The following THOC2 variants were observed in gnomAD, a reference collection of about 807,000 sequenced individuals.
THOC2 encodes THO complex subunit 2.
A neutral mutation model predicts 128.4 loss-of-function variants in THOC2; 10 were observed. The observed-to-expected ratio is 0.08, with a 90% CI of 0.05 to 0.13. The LOEUF (loss-of-function observed/expected upper bound fraction) is 0.13, where lower values mean the gene tolerates loss of function less well. Among genes scored for constraint, THOC2 ranks in the 10% least tolerant of loss-of-function variants. The probability of loss-of-function intolerance (pLI) is 1.00; values close to 1 mark genes in which losing one functional copy is unlikely to be tolerated. For synonymous variants in THOC2, 393 were observed against 396.9 expected (o/e 0.99, Z 0.12); for missense variants, 535 against 1,155.7 (o/e 0.46, Z 7.79).
At chrX:123,669,000 C>G (rs2049155129) in intron 9 of THOC2, among the ~76,000 whole-genome samples, 1 of 111,486 alleles carries the variant, frequency 9.0e-6, no homozygotes, top group Non-Finnish European at 1.9e-5. Flanking sequence ...CTTTAGGCAA[C>G]AAATTACTCA....
At position 123,600,758 on chromosome X, in the gene THOC2, A is replaced by C. The variant is rs757052690; in HGVS notation, c.*599T>G. The C allele has an allele frequency of 8.9e-6, 1 of 112,169 alleles. No individual in the cohort carries two copies. The highest frequency in any genetic ancestry group is 3.2e-5 in the African/African-American group (1 of 30,864). 9.2% of individuals were successfully genotyped at this position (112,169 alleles called of 1,213,427 possible). A position where few individuals can be genotyped will look rare whatever the true frequency, so the allele number is the denominator to read the frequency against. Reference sequence around the variant, plus strand: ...CCGCCGCCAAGATTTGTCTAACATAATTACAAGAAAAAATGGCAAGGGACA... The same window carrying C: ...CCGCCGCCAAGATTTGTCTAACATACTTACAAGAAAAAATGGCAAGGGACA... On this transcript the variant is annotated 3_prime_UTR_variant, in exon 39 of 39. Coordinates refer to ENST00000245838, the MANE Select transcript of THOC2 (RefSeq NM_001081550.2).
chrX:123,707,434 G>A (rs2050980184), intron 2 of THOC2, among the ~76,000 whole-genome samples: 1 of 111,631 alleles, frequency 9.0e-6, no homozygotes, highest in Middle Eastern at 4.2e-3. Flanking sequence ...ATATACTACC[G>A]AGTTTTAACC....
intron 1 of THOC2, among the ~76,000 whole-genome samples, chrX:123,729,572 T>A (rs2052141764): frequency 8.9e-6 from 1 of 112,235 alleles, no homozygotes; most frequent in Admixed American, 9.5e-5. Flanking sequence ...ATTAACAACC[T>A]CATGAAATAT....
At position 123,624,524 on chromosome X, in the gene THOC2, G is replaced by T; in HGVS notation, c.3186+17C>A. On this transcript the variant is annotated intron_variant, in intron 26 of 38. Coordinates refer to ENST00000245838, the MANE Select transcript of THOC2 (RefSeq NM_001081550.2). ...TTATATACATGGGTAAAATATAAGG[G>T]TTTTTATTAGTCATACCTTTTCATA... is the stretch of plus-strand genomic sequence containing the variant. The T allele has an allele frequency of 3.3e-6, 4 of 1,197,901 alleles. No individual in the cohort carries two copies. The highest frequency in any genetic ancestry group is 4.5e-6 in the Non-Finnish European group (4 of 887,844).
At chrX:123,706,561 C>CT (rs201328049) in intron 3 of THOC2, among the ~76,000 whole-genome samples, 3 of 84,195 alleles carry the variant, frequency 3.6e-5, no homozygotes, top group Non-Finnish European at 4.5e-5. Context: ...ACAGCACAGG[C>CT]TTTTTTTTTT....
chrX:123,632,756 T>C (rs768106429), intron 21 of THOC2, 105 bp downstream of exon 21: 2 of 627,103 alleles, frequency 3.2e-6, no homozygotes, highest in South Asian at 3.2e-5. Flanking sequence ...GGATGTCTCA[T>C]ATTCAAATGA....
intron 12 of THOC2, among the ~76,000 whole-genome samples, chrX:123,645,656 A>T (rs1440358063): frequency 8.9e-6 from 1 of 112,695 alleles, no homozygotes; most frequent in Non-Finnish European, 1.9e-5. Context: ...TTGATCTAAG[A>T]ATTTATTATA....
At chrX:123,702,337 TACAGAAAGC>T (rs1316767148) in intron 4 of THOC2, among the ~76,000 whole-genome samples, 1 of 108,993 alleles carries the variant, frequency 9.2e-6, no homozygotes, top group East Asian at 2.9e-4. Flanking sequence ...GATTCAAAGT[TACAGAAAGC>T]ACAAGACTGG....
intron 1 of THOC2, among the ~76,000 whole-genome samples, chrX:123,729,460 G>C (rs2052136936): frequency 8.9e-6 from 1 of 112,039 alleles, no homozygotes; most frequent in Non-Finnish European, 1.9e-5. Context: ...CTATCTGAAA[G>C]TTATAAAATG....
intron 15 of THOC2, among the ~76,000 whole-genome samples, chrX:123,642,163 C>A (rs992367109): frequency 9.8e-5 from 11 of 112,144 alleles, no homozygotes; most frequent in African/African-American, 3.6e-4. Flanking sequence ...CAGTGGCTCA[C>A]GCCTGTAATC....
In THOC2 at chrX:123,637,990, A is replaced by G. The variant is rs2047740972; in HGVS notation, c.1921+53T>C. 8.9e-6 allele frequency: 8 copies of G among 894,411 alleles called. No homozygotes were observed. In the South Asian group the frequency reaches 1.9e-4, roughly 21 times the overall value. 73.7% of individuals were successfully genotyped at this position (894,411 alleles called of 1,213,427 possible). ...AAGCATCGGTAATAAAATGCATAAC[A>G]TGGCAGTTACCACAGATAGTAATTT... On this transcript the variant is annotated intron_variant, in intron 18 of 38. Coordinates refer to ENST00000245838, the MANE Select transcript of THOC2 (RefSeq NM_001081550.2).
intron 33 of THOC2, among the ~76,000 whole-genome samples, chrX:123,615,876 T>A (rs973995044): frequency 1.8e-5 from 2 of 111,241 alleles, no homozygotes; most frequent in African/African-American, 6.5e-5. Context: ...TTAGAATAGT[T>A]CTGATCAAAT....
chrX:123,617,235 AT>A (rs1051193417), intron 33 of THOC2, among the ~76,000 whole-genome samples: 5 of 111,549 alleles, frequency 4.5e-5, no homozygotes, highest in African/African-American at 1.6e-4. Flanking sequence ...TATTTATTGA[AT>A]ACCTAACCTT....
At position 123,649,084 on chromosome X, in the gene THOC2, G is replaced by A. The variant is rs761848470; in HGVS notation, c.1387-3709C>T. Among the ~76,000 whole-genome samples, 16 of 112,009 alleles carry A rather than the reference G, an allele frequency of 1.4e-4. No homozygotes were observed. In the East Asian group the frequency reaches 2.8e-3, roughly 20 times the overall value. On this transcript the variant is annotated intron_variant, in intron 12 of 38. Transcript: ENST00000245838. ...AGGAGAGCTCTGGCTGGCATCTGGC[G>A]GGTGCCCCTCTAGGAGGAAGCTTCC...
chrX:123,713,019 T>C (rs1329482173), intron 1 of THOC2, 111 bp from the exon 2 acceptor site: 1 of 470,104 alleles, frequency 2.1e-6, no homozygotes, highest in Non-Finnish European at 3.5e-6. Flanking sequence ...CAAGCATTTA[T>C]TCTGCCTTTC....
intron 24 of THOC2, 48 bp from the exon 25 acceptor site, chrX:123,626,117 T>C (rs908293745): frequency 2.7e-5 from 26 of 967,553 alleles, no homozygotes; most frequent in Non-Finnish European, 3.8e-5. Flanking sequence ...CTTCCCCAAG[T>C]GCCTCAAAGC....
intron 8 of THOC2, among the ~76,000 whole-genome samples, chrX:123,674,636 T>C (rs372059406): frequency 8.9e-6 from 1 of 111,797 alleles, no homozygotes; most frequent in African/African-American, 3.2e-5. Context: ...CCTCATTTCC[T>C]CTATCACTGC....
intron 2 of THOC2, among the ~76,000 whole-genome samples, chrX:123,707,846 A>G (rs1416220969): frequency 2.7e-5 from 3 of 110,551 alleles, no homozygotes; most frequent in Admixed American, 9.8e-5. Flanking sequence ...AAATCTTCTT[A>G]GCCAGGCGCA....
chrX:123,621,020 A>G (rs1304098572), intron 31 of THOC2, 55 bp from the exon 32 acceptor site: 2 of 1,189,774 alleles, frequency 1.7e-6, no homozygotes, highest in East Asian at 5.9e-5. Flanking sequence ...TTTTCCAAAC[A>G]CTTAAAAAAA....
Sources: allele counts gnomAD v4.1 joint callset (sites outside exome capture counted in the v4.1 genomes callset), GRCh38; gene constraint gnomAD v4.1.1; transcripts MANE v1.5; gene names NCBI Gene and HGNC (gene_info 2026-07-23, HGNC 2026-07-21).